The following ACAP2 variants were observed in gnomAD, a reference collection of about 807,000 sequenced individuals.
ACAP2 encodes ArfGAP with coiled-coil, ankyrin repeat and PH domains 2, also known as arf-GAP with coiled-coil, ANK repeat and PH domain-containing protein 2.
In ACAP2, 39 loss-of-function variants were observed where a neutral mutation model predicts 115.8. The ratio of observed to expected loss-of-function variants is 0.34; its 90% confidence interval spans 0.26 to 0.44. ACAP2 has a LOEUF of 0.44. Among genes scored for constraint, ACAP2 ranks in the 20% least tolerant of loss-of-function variants. The pLI is 1.00. For missense variants in ACAP2, 662 were observed against 927.6 expected (o/e 0.71, Z 3.72); for synonymous variants, 289 against 315.8 (o/e 0.92, Z 0.90).
intron 8 of ACAP2, among the ~76,000 whole-genome samples, chr3:195,329,331 T>C (rs1730021199): frequency 6.6e-6 from 1 of 152,142 alleles, no homozygotes; most frequent in African/African-American, 2.4e-5. Flanking sequence ...TTTGTGTTAG[T>C]ACTGGACATT....
intron 8 of ACAP2, among the ~76,000 whole-genome samples, chr3:195,331,845 C>T (rs1730189623): frequency 6.6e-6 from 1 of 151,930 alleles, no homozygotes; most frequent in Admixed American, 6.6e-5. Flanking sequence ...AGAACTATTA[C>T]ACGTAGCCAC....
chr3:195,333,292 C>G (rs906072654), intron 7 of ACAP2, among the ~76,000 whole-genome samples, 169 bp from the exon 8 acceptor site: 6 of 152,224 alleles, frequency 3.9e-5, no homozygotes, highest in Admixed American at 1.3e-4. Context: ...ACCTGGACCT[C>G]CCAGGCTCAG....
chr3:195,312,259 A>C (rs1436136694), intron 10 of ACAP2, among the ~76,000 whole-genome samples: 1 of 152,134 alleles, frequency 6.6e-6, no homozygotes, highest in Admixed American at 6.5e-5. Flanking sequence ...GGTAAAAATT[A>C]AAAGCCTGAA....
chr3:195,287,187 A>C (rs1362337281), intron 21 of ACAP2, among the ~76,000 whole-genome samples: 3 of 152,238 alleles, frequency 2.0e-5, no homozygotes, highest in Non-Finnish European at 4.4e-5. Flanking sequence ...TAAGTGATAA[A>C]GAATAAGTGA....
intron 13 of ACAP2, among the ~76,000 whole-genome samples, chr3:195,305,863 A>T (rs911229748): frequency 1.3e-5 from 2 of 151,662 alleles, no homozygotes; most frequent in African/African-American, 4.8e-5. Context: ...TCTATGATCT[A>T]TATTTGGGAG....
intron 8 of ACAP2, among the ~76,000 whole-genome samples, chr3:195,331,888 A>G (rs1730192389): frequency 6.6e-6 from 1 of 152,058 alleles, no homozygotes. Flanking sequence ...TAATCCCAGC[A>G]CTTTGGGAGG....
intron 5 of ACAP2, among the ~76,000 whole-genome samples, chr3:195,342,857 A>G (rs1352800704): frequency 6.6e-6 from 1 of 152,020 alleles, no homozygotes; most frequent in African/African-American, 2.4e-5. Context: ...TTAGCTGGTC[A>G]TGGTGGCATG....
intron 4 of ACAP2, among the ~76,000 whole-genome samples, chr3:195,352,758 GAA>G (rs1731695059): frequency 6.6e-6 from 1 of 152,162 alleles, no homozygotes; most frequent in Non-Finnish European, 1.5e-5. Flanking sequence ...GTATCATGAA[GAA>G]AGTAACAATG....
chr3:195,409,839 G>A (rs138522777), intron 1 of ACAP2, among the ~76,000 whole-genome samples: 1,802 of 119,132 alleles, frequency 0.015, 30 homozygotes, highest in African/African-American at 0.053. Context: ...TTGCGCCACT[G>A]CACTCCAGCC....
At chr3:195,294,607 A>ATT (rs1259895081) in intron 18 of ACAP2, 112 bp downstream of exon 18, 781 of 57,970 alleles carry the variant, frequency 0.013, 4 homozygotes, top group African/African-American at 0.042. Context: ...AAAAAAAAAA[A>ATT]ATTATATATA....
At position 195,342,515 on chromosome 3, in the gene ACAP2, T is replaced by C. The variant is rs1730945601; in HGVS notation, c.484A>G (p.Thr162Ala). The C allele has an allele frequency of 6.2e-7, 1 of 1,611,186 alleles. No homozygotes were observed. The highest frequency in any genetic ancestry group is 8.5e-7 in the Non-Finnish European group (1 of 1,179,348). ...GCTATGTGTCGGAAACATTTTCTTGTTGCTGTCAGAATGTTGGTGGCTTCT... is the reference window on the plus strand; with the variant it reads ...GCTATGTGTCGGAAACATTTTCTTGCTGCTGTCAGAATGTTGGTGGCTTCT... ...VEEATNILTA[T>A]RKCFRHIALD... The change falls in exon 6 of 23, where the codon ACA becomes GCA. Residue 162 changes from threonine to alanine, a missense_variant. Around this residue, in one of 3 missense-constraint regions of ACAP2, gnomAD observed 401 missense variants for 604.4 expected, o/e 0.66. Coordinates refer to ENST00000326793, the MANE Select transcript of ACAP2 (RefSeq NM_012287.6).
chr3:195,312,910 G>T (rs902349969), intron 10 of ACAP2: 2 of 152,188 alleles, frequency 1.3e-5, no homozygotes, highest in African/African-American at 4.8e-5. Context: ...GGAAACTGGA[G>T]TAAGATGAGG....
chr3:195,419,510 C>A (rs1167475236), intron 1 of ACAP2: 3 of 152,098 alleles, frequency 2.0e-5, no homozygotes, highest in Non-Finnish European at 2.9e-5. Flanking sequence ...ACTGACTGAA[C>A]AATCAACTGA....
rs1338538955 is a variant in ACAP2, at chr3:195,355,804, T to C, written c.286-10487A>G. Among the ~76,000 whole-genome samples, 9 of 152,378 alleles carry C rather than the reference T, an allele frequency of 5.9e-5. No individual in the cohort carries two copies. The East Asian group carries it at 1.7e-3, about 29-fold the overall frequency. ...AGAGCATTATCCCCATTTCCAGTTC[T>C]TACAAGTAAGGTGACTTTGGCTCTA... is the stretch of plus-strand genomic sequence containing the variant. On this transcript the variant is annotated intron_variant, in intron 4 of 22. Coordinates refer to ENST00000326793, the MANE Select transcript of ACAP2 (RefSeq NM_012287.6).
rs553427566 is a variant in ACAP2 at position 195,384,538 on chromosome 3, C to T, written c.112-2516G>A. On this transcript the variant is annotated intron_variant, in intron 2 of 22. Transcript: ENST00000326793. ...GGTCAGGAGTTCAAGACCAGCCTGG[C>T]CAATGTGGCAAAACCCCACCTCTAC... Among the ~76,000 whole-genome samples, 6 of 151,858 alleles carry T rather than the reference C, an allele frequency of 4.0e-5. No homozygotes were observed. In the East Asian group the frequency reaches 9.7e-4, roughly 25 times the overall value.
In ACAP2 at chr3:195,421,040, C is replaced by T. The variant is rs535396579; in HGVS notation, c.53+21755G>A. Among the ~76,000 whole-genome samples the T allele has an allele frequency of 2.6e-5, 4 of 152,204 alleles. No individual in the cohort carries two copies. In the South Asian group the frequency reaches 8.3e-4, roughly 32 times the overall value. ...GAAAACTATGCCTTGCCTTTTTAAC[C>T]ATTAGGTTAAACAGAGGAAAGGACT... On this transcript the variant is annotated intron_variant, in intron 1 of 22. Coordinates refer to ENST00000326793, the MANE Select transcript of ACAP2 (RefSeq NM_012287.6).
At chr3:195,344,974 A>G (rs1731106137) in intron 5 of ACAP2, among the ~76,000 whole-genome samples, 1 of 152,238 alleles carries the variant, frequency 6.6e-6, no homozygotes, top group Admixed American at 6.5e-5. Flanking sequence ...GTGAAAGAAC[A>G]ATTAGATTAT....
chr3:195,313,280 T>G (rs1300775582), intron 10 of ACAP2, among the ~76,000 whole-genome samples: 1 of 152,354 alleles, frequency 6.6e-6, no homozygotes, highest in East Asian at 1.9e-4. Context: ...TACTTGGATA[T>G]ACCTCTACTA....
At chr3:195,359,673 TA>T in intron 4 of ACAP2, among the ~76,000 whole-genome samples, 1 of 152,288 alleles carries the variant, frequency 6.6e-6, no homozygotes, top group South Asian at 2.1e-4. Context: ...TTCACCGTGT[TA>T]GCCAGGATGG....
Sources: allele counts gnomAD v4.1 joint callset (sites outside exome capture counted in the v4.1 genomes callset), GRCh38; gene constraint gnomAD v4.1.1; regional missense constraint gnomAD v4.1.1; transcripts MANE v1.5; gene names NCBI Gene and HGNC (gene_info 2026-07-23, HGNC 2026-07-21).